SULF1: variants seen among roughly 807,000 people sequenced by gnomAD.
SULF1 encodes sulfatase 1, also known as extracellular sulfatase Sulf-1.
A neutral mutation model predicts 110.5 loss-of-function variants in SULF1; 46 were observed. The ratio of observed to expected loss-of-function variants is 0.42; its 90% confidence interval spans 0.33 to 0.53. The LOEUF (loss-of-function observed/expected upper bound fraction) is 0.53, where lower values mean the gene tolerates loss of function less well. Among genes scored for constraint, SULF1 ranks in the 20% least tolerant of loss-of-function variants. The pLI is 0.12. For missense variants in SULF1, 941 were observed against 1,094.2 expected (o/e 0.86, Z 1.98); for synonymous variants, 371 against 387.1 (o/e 0.96, Z 0.49).
chr8:69,544,254 T>G (rs1814078450), intron 3 of SULF1, among the ~76,000 whole-genome samples: 1 of 147,490 alleles, frequency 6.8e-6, no homozygotes, highest in African/African-American at 2.7e-5. Flanking sequence ...AACAAATGTT[T>G]TTTTTTGTTT....
intron 7 of SULF1, among the ~76,000 whole-genome samples, chr8:69,587,098 G>A (rs1455561550): frequency 6.6e-6 from 1 of 152,130 alleles, no homozygotes; most frequent in Non-Finnish European, 1.5e-5. Context: ...AAATCAACAT[G>A]TCCCATAGTT....
chr8:69,545,946 C>T (rs933959711), intron 3 of SULF1, among the ~76,000 whole-genome samples: 8 of 152,178 alleles, frequency 5.3e-5, no homozygotes, highest in Non-Finnish European at 4.4e-5. Flanking sequence ...CCGCCCACCT[C>T]GGCCTCCCAA....
chr8:69,485,594 T>C (rs563548148), intron 1 of SULF1, among the ~76,000 whole-genome samples: 70 of 152,318 alleles, frequency 4.6e-4, no homozygotes, highest in Middle Eastern at 3.4e-3. Flanking sequence ...TGAGGCTTTT[T>C]CCTGTCTAAG....
intron 3 of SULF1, among the ~76,000 whole-genome samples, chr8:69,546,336 T>C (rs1368956624): frequency 6.6e-6 from 1 of 152,218 alleles, no homozygotes; most frequent in African/African-American, 2.4e-5. Context: ...ATCATTATTG[T>C]ATGGAAAACT....
upstream of SULF1, among the ~76,000 whole-genome samples, chr8:69,488,332 G>A (rs1022933509): frequency 1.3e-5 from 2 of 152,228 alleles, no homozygotes; most frequent in African/African-American, 4.8e-5. Flanking sequence ...GACAAGAGTA[G>A]AAGTGTCATC....
At chr8:69,526,124 T>C (rs1812644343) in intron 3 of SULF1, among the ~76,000 whole-genome samples, 1 of 152,152 alleles carries the variant, frequency 6.6e-6, no homozygotes, top group African/African-American at 2.4e-5. Flanking sequence ...ACCAAATACC[T>C]GGCTTCTGCA....
At chr8:69,497,600 T>C (rs992786109) in intron 2 of SULF1, among the ~76,000 whole-genome samples, 23 of 152,350 alleles carry the variant, frequency 1.5e-4, no homozygotes, top group African/African-American at 5.5e-4. Flanking sequence ...AATTCACAGT[T>C]TAAAAATATC....
chr8:69,489,241 G>A (rs1377843629), upstream of SULF1, among the ~76,000 whole-genome samples: 1 of 152,182 alleles, frequency 6.6e-6, no homozygotes, highest in South Asian at 2.1e-4. Flanking sequence ...CACCTATTTT[G>A]TCTCACAGGA....
chr8:69,578,546 C>T (rs1016399512), intron 6 of SULF1, among the ~76,000 whole-genome samples: 6 of 133,056 alleles, frequency 4.5e-5, no homozygotes, highest in African/African-American at 8.6e-5. Flanking sequence ...TGGGAAGAGC[C>T]GGCACCGGGA....
At chr8:69,486,914 C>T (rs528458414) in intron 1 of SULF1, among the ~76,000 whole-genome samples, 10 of 152,318 alleles carry the variant, frequency 6.6e-5, no homozygotes, top group African/African-American at 2.4e-4. Flanking sequence ...CATGCGCGCA[C>T]TTACTTAATA....
At chr8:69,556,868 G>T (rs1815150734) in intron 3 of SULF1, among the ~76,000 whole-genome samples, 1 of 151,988 alleles carries the variant, frequency 6.6e-6, no homozygotes, top group Non-Finnish European at 1.5e-5. Context: ...CATTATCTAG[G>T]TATTAAGCCC....
intron 19 of SULF1, among the ~76,000 whole-genome samples, chr8:69,631,685 C>T (rs915025003): frequency 2.0e-5 from 3 of 152,266 alleles, no homozygotes; most frequent in African/African-American, 7.2e-5. Context: ...CTCTTTATTC[C>T]ACAAGCATCT....
At chr8:69,589,566 G>C (rs897897579) in intron 8 of SULF1, among the ~76,000 whole-genome samples, 1 of 152,170 alleles carries the variant, frequency 6.6e-6, no homozygotes, top group Admixed American at 6.5e-5. Context: ...GGCGAATACC[G>C]TAGCAGCTTT....
At chr8:69,612,079 TGTAA>T (rs567935329) in intron 13 of SULF1, among the ~76,000 whole-genome samples, 102 of 152,270 alleles carry the variant, frequency 6.7e-4, no homozygotes, top group Non-Finnish European at 1.2e-3. Context: ...AGCTCCCACT[TGTAA>T]GTGAGAAAAT....
At chr8:69,563,853 A>G (rs1042459815) in intron 4 of SULF1, 63 bp from the exon 5 acceptor site, 2 of 961,586 alleles carry the variant, frequency 2.1e-6, no homozygotes, top group African/African-American at 3.3e-5. Flanking sequence ...TTTCTCTGCA[A>G]CTGTGCTTGG....
intron 22 of SULF1, among the ~76,000 whole-genome samples, chr8:69,657,438 G>A (rs1160903424): frequency 6.6e-6 from 1 of 152,206 alleles, no homozygotes; most frequent in East Asian, 1.9e-4. Context: ...TGTCAGTGCT[G>A]TGGCTCACCA....
At chr8:69,558,179 G>T (rs1390374521) in intron 3 of SULF1, among the ~76,000 whole-genome samples, 1 of 152,176 alleles carries the variant, frequency 6.6e-6, no homozygotes, top group Non-Finnish European at 1.5e-5. Flanking sequence ...TAAGGGGAAA[G>T]GGCCATGTTA....
intron 13 of SULF1, among the ~76,000 whole-genome samples, chr8:69,614,299 A>T (rs1245858901): frequency 2.0e-5 from 3 of 152,202 alleles, no homozygotes; most frequent in Non-Finnish European, 4.4e-5. Context: ...CCTTTAAGCC[A>T]CACCGATGAG....
intron 5 of SULF1, among the ~76,000 whole-genome samples, chr8:69,573,124 G>A (rs1257922150): frequency 2.0e-5 from 3 of 152,222 alleles, no homozygotes. Context: ...ACTGAGCCCG[G>A]CCCGAGATTC....
Sources: allele counts gnomAD v4.1 joint callset (sites outside exome capture counted in the v4.1 genomes callset), GRCh38; gene constraint gnomAD v4.1.1; transcripts MANE v1.5; gene names NCBI Gene and HGNC (gene_info 2026-07-23, HGNC 2026-07-21).